Variants in PCDHA9 observed in about 807,000 individuals in gnomAD.
PCDHA9 encodes the protein protocadherin alpha-9.
Under a neutral mutation model 62.0 loss-of-function variants are expected in PCDHA9, and 62 were observed. That is an observed-to-expected ratio of 1.00 (90% CI 0.81 to 1.23). The LOEUF (loss-of-function observed/expected upper bound fraction) is 1.23, where lower values mean the gene tolerates loss of function less well. PCDHA9 is among the 50% of genes most tolerant of loss of function. The pLI is 0.00. For synonymous variants in PCDHA9, 557 were observed against 567.6 expected (o/e 0.98, Z 0.27); for missense variants, 1,205 against 1,249.8 (o/e 0.96, Z 0.54).
chr5:140,907,167 T>C (rs1200819434), intron 1 of PCDHA9, among the ~76,000 whole-genome samples: 3 of 152,166 alleles, frequency 2.0e-5, no homozygotes, highest in Non-Finnish European at 4.4e-5. Context: ...ATATATTGGA[T>C]GCTGATTCAG....
chr5:140,886,281 T>C (rs2060932567), intron 1 of PCDHA9, among the ~76,000 whole-genome samples: 1 of 151,934 alleles, frequency 6.6e-6, no homozygotes, highest in African/African-American at 2.4e-5. Flanking sequence ...TTTTTAAAAT[T>C]ATTTTTATAT....
At chr5:140,911,968 T>A (rs1554195054) in intron 1 of PCDHA9, among the ~76,000 whole-genome samples, 2 of 152,138 alleles carry the variant, frequency 1.3e-5, no homozygotes, top group East Asian at 3.9e-4. Flanking sequence ...TAAGGAGTAT[T>A]AACTCACATG....
At chr5:140,926,785 G>A in intron 1 of PCDHA9, 1 of 1,417,966 alleles carries the variant, frequency 7.1e-7, no homozygotes. Context: ...GTGACGGCCG[G>A]CAGGAGCGTG....
intron 1 of PCDHA9, chr5:140,884,047 G>A: frequency 1.9e-6 from 3 of 1,613,390 alleles, no homozygotes; most frequent in East Asian, 2.2e-5. Flanking sequence ...TGGTGGCGAA[G>A]GTGCGCGCGG....
At chr5:140,870,912 C>T (rs1554164817) in intron 1 of PCDHA9, 1 of 1,613,952 alleles carries the variant, frequency 6.2e-7, no homozygotes, top group Admixed American at 1.7e-5. Flanking sequence ...CAGGCTACAA[C>T]GCGTGGCTTT....
chr5:140,980,091 T>A (rs2096876102), intron 2 of PCDHA9, among the ~76,000 whole-genome samples: 1 of 152,218 alleles, frequency 6.6e-6, no homozygotes, highest in Non-Finnish European at 1.5e-5. Flanking sequence ...GTAGTTGGCT[T>A]GGTAAGATGT....
At chr5:140,990,097 T>C (rs2097373826) in intron 3 of PCDHA9, among the ~76,000 whole-genome samples, 1 of 151,922 alleles carries the variant, frequency 6.6e-6, no homozygotes, top group African/African-American at 2.4e-5. Flanking sequence ...GTGCTACTAT[T>C]GAAACAGGAA....
At chr5:140,967,422 A>C in intron 1 of PCDHA9, 6 of 1,613,338 alleles carry the variant, frequency 3.7e-6, no homozygotes, top group East Asian at 2.2e-5. Flanking sequence ...GACCGGGAGC[A>C]GGCAGCCTTG....
intron 1 of PCDHA9, among the ~76,000 whole-genome samples, chr5:140,891,620 C>T (rs1194351903): frequency 6.6e-6 from 1 of 152,122 alleles, no homozygotes; most frequent in African/African-American, 2.4e-5. Flanking sequence ...TTTATTTTAA[C>T]ACCTTTTGCT....
rs782118774 is a variant in PCDHA9 at position 140,929,021 on chromosome 5, G to A, written c.2395-49928G>A. ...TTCGTGTGTACCAAGTTGCACCAGAGCCCAGGCTGTTGCGCTCAGAGCTGC... is the reference window on the plus strand; with the variant it reads ...TTCGTGTGTACCAAGTTGCACCAGAACCCAGGCTGTTGCGCTCAGAGCTGC... On this transcript the variant is annotated intron_variant, in intron 1 of 3. Coordinates refer to ENST00000532602, the MANE Select transcript of PCDHA9 (RefSeq NM_031857.2). 5 of 1,614,072 alleles carry A rather than the reference G, an allele frequency of 3.1e-6. No homozygotes were observed. In the African/African-American group the frequency reaches 6.7e-5, roughly 22 times the overall value.
At chr5:140,987,995 C>T (rs1554249784) in intron 3 of PCDHA9, among the ~76,000 whole-genome samples, 3 of 152,178 alleles carry the variant, frequency 2.0e-5, no homozygotes, top group African/African-American at 7.2e-5. Flanking sequence ...CATCTCTGAT[C>T]CTTCCCCAGA....
intron 3 of PCDHA9, among the ~76,000 whole-genome samples, chr5:141,007,375 A>G (rs2098319986): frequency 6.8e-6 from 1 of 146,418 alleles, no homozygotes; most frequent in Non-Finnish European, 1.5e-5. Context: ...ACATGATGGA[A>G]CACCATCTCT....
At chr5:140,869,615 G>A (rs373081906) in intron 1 of PCDHA9, 4 of 1,613,740 alleles carry the variant, frequency 2.5e-6, no homozygotes, top group East Asian at 4.5e-5. Flanking sequence ...TTGACCTACA[G>A]GCTAAGTAAA....
At chr5:140,880,796 T>C (rs538689350) in intron 1 of PCDHA9, among the ~76,000 whole-genome samples, 4 of 152,180 alleles carry the variant, frequency 2.6e-5, no homozygotes, top group Non-Finnish European at 5.9e-5. Context: ...GTAATATAAA[T>C]AGGTGAATGA....
At chr5:140,913,282 AG>A (rs1231451737) in intron 1 of PCDHA9, among the ~76,000 whole-genome samples, 20 of 152,154 alleles carry the variant, frequency 1.3e-4, no homozygotes, top group African/African-American at 4.6e-4. Flanking sequence ...TGGTCTGTTT[AG>A]GTTTTAATTT....
chr5:140,855,941 C>A, intron 1 of PCDHA9: 1 of 1,328,220 alleles, frequency 7.5e-7, no homozygotes, highest in South Asian at 1.4e-5. Flanking sequence ...TCTGAGATCT[C>A]AGCCATTTCG....
At chr5:140,874,970 G>A (rs186825854) in intron 1 of PCDHA9, among the ~76,000 whole-genome samples, 1 of 152,280 alleles carries the variant, frequency 6.6e-6, no homozygotes, top group Admixed American at 6.5e-5. Flanking sequence ...AAGGGGAGGG[G>A]TGCTGTATAT....
intron 1 of PCDHA9, chr5:140,852,936 T>A: frequency 1.7e-6 from 1 of 599,096 alleles, no homozygotes; most frequent in Non-Finnish European, 2.2e-6. Flanking sequence ...TGGAGTGCAG[T>A]GGTGCCATCT....
At chr5:140,882,339 G>A (rs1554173610) in intron 1 of PCDHA9, 1 of 1,614,162 alleles carries the variant, frequency 6.2e-7, no homozygotes, top group Admixed American at 1.7e-5. Flanking sequence ...CTCGCAGCCT[G>A]GGAGACGGGT....
Sources: allele counts gnomAD v4.1 joint callset (sites outside exome capture counted in the v4.1 genomes callset), GRCh38; gene constraint gnomAD v4.1.1; transcripts MANE v1.5; gene names NCBI Gene and HGNC (gene_info 2026-07-23, HGNC 2026-07-21).